POLH: variants seen among roughly 807,000 people sequenced by gnomAD.
POLH encodes DNA polymerase eta transcript.
In POLH, 53 loss-of-function variants were observed where a neutral mutation model predicts 73.6. The ratio of observed to expected loss-of-function variants is 0.72; its 90% CI spans 0.58 to 0.91. The LOEUF is 0.91. Among genes scored for constraint, POLH ranks in the 40% least tolerant of loss-of-function variants. The pLI, the probability that POLH is intolerant of heterozygous loss-of-function variation, is 0.00. For synonymous variants in POLH, 292 were observed against 308.5 expected (o/e 0.95, Z 0.56); for missense variants, 768 against 865.4 (o/e 0.89, Z 1.41).
intron 1 of POLH, among the ~76,000 whole-genome samples, chr6:43,577,181 A>T (rs1320596625): frequency 6.6e-6 from 1 of 152,244 alleles, no homozygotes; most frequent in Non-Finnish European, 1.5e-5. Context: ...CCGTCTCAAA[A>T]ATAAATAAAT....
At chr6:43,582,171 G>A in intron 1 of POLH, 145 bp from the exon 2 acceptor site, 2 of 784,376 alleles carry the variant, frequency 2.5e-6, no homozygotes, top group South Asian at 1.4e-5. Context: ...TACTCAACCT[G>A]TATATTTAAA....
At position 43,597,678 on chromosome 6, in the gene POLH, GTTC is replaced by G. The variant is rs1561905927; in HGVS notation, c.491-15_491-13del. ...TAATTTTTTAAATGTCTAAATGTGA[GTTC>G]TTAATTCATTTCAGAGGGGATGCGA... On this transcript the variant is annotated splice_polypyrimidine_tract_variant and intron_variant, in intron 4 of 10. Transcript: ENST00000372236. 2 of 1,605,752 alleles carry G rather than the reference GTTC, an allele frequency of 1.2e-6. No individual in the cohort carries two copies. Among genetic ancestry groups the G allele is most frequent in the Non-Finnish European group, 1.7e-6 (2 of 1,172,476 alleles).
chr6:43,582,715 G>A (rs1764414788), intron 2 of POLH, among the ~76,000 whole-genome samples: 1 of 152,094 alleles, frequency 6.6e-6, no homozygotes, highest in Admixed American at 6.5e-5. Flanking sequence ...GGTGGGTAGA[G>A]ATGGGGATTG....
chr6:43,613,667 C>T lies in POLH; in HGVS notation c.1252C>T (p.Pro418Ser), dbSNP rs1250401511. The T allele has an allele frequency of 6.2e-7, 1 of 1,613,204 alleles. No individual in the cohort carries two copies. The highest frequency in any genetic ancestry group is 1.3e-5 in the African/African-American group (1 of 74,908). The change falls in exon 11 of 11, where the codon CCT becomes TCT. Residue 418 changes from proline (P) to serine (S), a missense_variant. Coordinates refer to ENST00000372236, the MANE Select transcript of POLH (RefSeq NM_006502.3). ...TCTTTACTTTCTGTATAGGTCTCCT[C>T]CTCTCACAATGCTTTTCCTCTGTGC... ...TSGIQTEWSP[P>S]LTMLFLCATK...
At chr6:43,604,843 T>C in intron 8 of POLH, 105 bp downstream of exon 8, 1 of 1,189,614 alleles carries the variant, frequency 8.4e-7, no homozygotes, top group South Asian at 1.2e-5. Flanking sequence ...CTTTATAAAG[T>C]ATGAAGAAAA....
chr6:43,577,733 T>C (rs1582260112), intron 1 of POLH, among the ~76,000 whole-genome samples: 1 of 152,242 alleles, frequency 6.6e-6, no homozygotes, highest in East Asian at 1.9e-4. Context: ...GTGTTTCGAT[T>C]GTCTTATTTA....
At chr6:43,612,613 C>T (rs184253472) in intron 10 of POLH, among the ~76,000 whole-genome samples, 7 of 152,102 alleles carry the variant, frequency 4.6e-5, no homozygotes, top group Admixed American at 1.3e-4. Context: ...TCCCAAAGTG[C>T]TGGGATTACA....
At chr6:43,598,063 G>C (rs1766291063) in intron 5 of POLH, among the ~76,000 whole-genome samples, 198 bp downstream of exon 5, 2 of 151,900 alleles carry the variant, frequency 1.3e-5, no homozygotes, top group South Asian at 4.1e-4. Flanking sequence ...AAATTAGCCA[G>C]GCGTGGTGGT....
chr6:43,580,882 G>A (rs1157347913), intron 1 of POLH, among the ~76,000 whole-genome samples: 106 of 143,308 alleles, frequency 7.4e-4, no homozygotes, highest in Middle Eastern at 3.7e-3. Context: ...GCGGCTGGCC[G>A]GGCGGAGGGC....
At chr6:43,607,865 G>T (rs1448081662) in intron 9 of POLH, among the ~76,000 whole-genome samples, 2 of 152,144 alleles carry the variant, frequency 1.3e-5, no homozygotes, top group African/African-American at 4.8e-5. Context: ...CTGTTCCTGG[G>T]CCGGGCGTGG....
In POLH at chr6:43,613,942, G is replaced by A. The variant is rs1489744646; in HGVS notation, c.1527G>A (p.Met509Ile). The A allele has an allele frequency of 6.2e-7, 1 of 1,613,874 alleles. No individual in the cohort carries two copies. Among genetic ancestry groups the A allele is most frequent in the East Asian group, 2.2e-5 (1 of 44,900 alleles). The change falls in exon 11 of 11, where the codon ATG (methionine) becomes ATA (isoleucine). Residue 509 changes from methionine (M) to isoleucine (I), a missense_variant. Coordinates refer to ENST00000372236, the MANE Select transcript of POLH (RefSeq NM_006502.3). ...TTACTGCTCCCACTCAGGCTCCCAT[G>A]AGCAATTCACCATCCAAGCCCTCAT... ...SSLTAPTQAP[M>I]SNSPSKPSLP...
intron 9 of POLH, among the ~76,000 whole-genome samples, chr6:43,608,211 C>A (rs1767508211): frequency 6.6e-6 from 1 of 152,110 alleles, no homozygotes. Flanking sequence ...TTAACATGTC[C>A]CTTGTCAGAT....
At chr6:43,580,474 C>A (rs1763935949) in intron 1 of POLH, among the ~76,000 whole-genome samples, 2 of 149,724 alleles carry the variant, frequency 1.3e-5, no homozygotes, top group South Asian at 4.2e-4. Flanking sequence ...CCTCACTTCC[C>A]AGTAGGGGCG....
intron 9 of POLH, among the ~76,000 whole-genome samples, chr6:43,606,621 G>A (rs745446367): frequency 7.2e-5 from 11 of 152,000 alleles, no homozygotes; most frequent in Non-Finnish European, 1.6e-4. Context: ...TAGAGACGGG[G>A]TTTTACCTTG....
rs1363107917 is a variant in POLH, at chr6:43,582,467, T to C, written c.137+11T>C. On this transcript the variant is annotated intron_variant, in intron 2 of 10. Transcript: ENST00000372236. ...ATGGAAGGGTGGTGGGTATGTATCA[T>C]TGTTATTGTCACAACTATTCAATGG... 14 of 1,612,602 alleles carry C rather than the reference T, an allele frequency of 8.7e-6. No individual in the cohort carries two copies. The highest frequency in any genetic ancestry group is 1.1e-5 in the Non-Finnish European group (13 of 1,178,726).
intron 5 of POLH, among the ~76,000 whole-genome samples, chr6:43,599,150 G>A (rs1455868609): frequency 1.3e-5 from 2 of 151,674 alleles, no homozygotes; most frequent in East Asian, 3.9e-4. Flanking sequence ...CACCATGCCT[G>A]GCTAATTTTT....
At chr6:43,612,589 C>T (rs1435693469) in intron 10 of POLH, among the ~76,000 whole-genome samples, 1 of 152,018 alleles carries the variant, frequency 6.6e-6, no homozygotes, top group East Asian at 1.9e-4. Context: ...TCAGGTGTTT[C>T]ACCCACCTCG....
intron 3 of POLH, among the ~76,000 whole-genome samples, chr6:43,585,637 C>CTTT (rs1208848737): frequency 8.4e-5 from 9 of 107,400 alleles, no homozygotes; most frequent in South Asian, 5.5e-4. Context: ...TCTTTCTTTT[C>CTTT]TTTTTTTTTT....
rs562237237 is a variant in POLH, at chr6:43,578,129, G to C, written c.-5+1689G>C. Among the ~76,000 whole-genome samples, 4 of 152,054 alleles carry C rather than the reference G, an allele frequency of 2.6e-5. No individual in the cohort carries two copies. In the South Asian group the frequency reaches 8.3e-4, roughly 32 times the overall value. ...AGGCCGAGCGCGATGGCTCACGCCT[G>C]TAATCCCAGCACTTTGGGAGGCCGA... is the stretch of plus-strand genomic sequence containing the variant. On this transcript the variant is annotated intron_variant, in intron 1 of 10. Transcript: ENST00000372236.
Sources: allele counts gnomAD v4.1 joint callset (sites outside exome capture counted in the v4.1 genomes callset), GRCh38; gene constraint gnomAD v4.1.1; transcripts MANE v1.5; gene names NCBI Gene and HGNC (gene_info 2026-07-23, HGNC 2026-07-21).